Variants in SENP5 observed in about 807,000 individuals in gnomAD.
The protein encoded by SENP5 is sentrin-specific protease 5.
In SENP5, 21 loss-of-function variants were observed where a neutral mutation model predicts 74.2. The ratio of observed to expected loss-of-function variants is 0.28; its 90% CI spans 0.20 to 0.41. The LOEUF (loss-of-function observed/expected upper bound fraction) is 0.41, where lower values mean the gene tolerates loss of function less well. Among genes scored for constraint, SENP5 ranks in the 10% least tolerant of loss-of-function variants. The pLI, the probability that SENP5 is intolerant of heterozygous loss-of-function variation, is 1.00. For missense variants in SENP5, 717 were observed against 889.1 expected (o/e 0.81, Z 2.46); for synonymous variants, 311 against 312.7 (o/e 0.99, Z 0.06).
rs751455923 is a variant in SENP5, at chr3:196,885,978, G to T, written c.797G>T (p.Ser266Ile). The T allele has an allele frequency of 1.9e-6, 3 of 1,614,232 alleles. No individual in the cohort carries two copies. Among genetic ancestry groups the T allele is most frequent in the Non-Finnish European group, 2.5e-6 (3 of 1,180,042 alleles). ...TGCAAGCTAAGAAAAGCCCAGCGAA[G>T]CTGGGTACAGAAAGTCACTGGGGAC... Reference protein sequence around the residue: ...KVCKLRKAQRSWVQKVTGDHQ... With the variant: ...KVCKLRKAQRIWVQKVTGDHQ... The change falls in exon 2 of 10, where the codon AGC becomes ATC. Residue 266 changes from serine to isoleucine, a missense_variant. Physicochemically the swap from Ser to Ile is moderately radical, Grantham distance 142 (BLOSUM62 -2). This residue lies in a region of SENP5 where 567 missense variants were observed against 577.4 expected (regional missense o/e 0.98). Transcript: ENST00000323460.
chr3:196,913,608 C>G (rs550514006), intron 6 of SENP5, among the ~76,000 whole-genome samples: 1 of 144,546 alleles, frequency 6.9e-6, no homozygotes, highest in South Asian at 2.2e-4. Flanking sequence ...ACCCTGAACT[C>G]AGTAGAAGAC....
intron 2 of SENP5, among the ~76,000 whole-genome samples, chr3:196,894,882 G>C (rs1009955788): frequency 2.0e-5 from 3 of 152,126 alleles, no homozygotes; most frequent in Non-Finnish European, 4.4e-5. Context: ...TATATTTATA[G>C]ATTAATTTAG....
At chr3:196,883,898 G>C (rs1242487917) in intron 1 of SENP5, among the ~76,000 whole-genome samples, 3 of 152,080 alleles carry the variant, frequency 2.0e-5, no homozygotes, top group Non-Finnish European at 4.4e-5. Flanking sequence ...CACCATGTTG[G>C]CCAGTCTGGT....
intron 2 of SENP5, among the ~76,000 whole-genome samples, chr3:196,887,409 A>G (rs1714020271): frequency 6.6e-6 from 1 of 151,566 alleles, no homozygotes; most frequent in South Asian, 2.1e-4. Flanking sequence ...CGACCTCCTG[A>G]CCTCACGTGA....
chr3:196,889,718 CA>C (rs1714124590), intron 2 of SENP5, among the ~76,000 whole-genome samples: 1 of 152,168 alleles, frequency 6.6e-6, no homozygotes, highest in East Asian at 1.9e-4. Context: ...TTCATACTCA[CA>C]AATGAGGAGA....
chr3:196,888,184 T>G (rs1311360334), intron 2 of SENP5, among the ~76,000 whole-genome samples: 1 of 152,228 alleles, frequency 6.6e-6, no homozygotes, highest in Admixed American at 6.5e-5. Context: ...AACATTTCTT[T>G]GGAAGACAAT....
chr3:196,874,205 A>T lies in SENP5; in HGVS notation c.-32+6132A>T, dbSNP rs1375662361. 4.7e-5 allele frequency among the ~76,000 whole-genome samples: 7 copies of T among 149,544 alleles called. 1 individual carries two copies. Among genetic ancestry groups the T allele is most frequent in the Non-Finnish European group, 1.0e-4 (7 of 67,708 alleles). The stretch of plus-strand genomic sequence containing the variant: ...TATTCTTAATGAAGTTTTAAGAGGG[A>T]ATGATGGTAAAATGTGTCTGCTTAA... On this transcript the variant is annotated intron_variant, in intron 1 of 9. Transcript: ENST00000323460.
At chr3:196,908,398 A>G (rs150887974) in intron 6 of SENP5, among the ~76,000 whole-genome samples, 251 of 152,368 alleles carry the variant, frequency 1.6e-3, no homozygotes, top group Non-Finnish European at 3.2e-3. Context: ...ACCAATGAGA[A>G]CAGAGAGACA....
At position 196,867,957 on chromosome 3, in the gene SENP5, C is replaced by T. The variant is rs1159646290; in HGVS notation, c.-148C>T. ...GCGGCTGTGGCCGCGGCGAACAGGC[C>T]GGACGCCTCGTCGCTGGCGGGGCTT... On this transcript the variant is annotated 5_prime_UTR_variant, in exon 1 of 10. Coordinates refer to ENST00000323460, the MANE Select transcript of SENP5 (RefSeq NM_152699.5). 4 of 152,262 alleles carry T rather than the reference C, an allele frequency of 2.6e-5. No homozygotes were observed. The highest frequency in any genetic ancestry group is 2.1e-4 in the South Asian group (1 of 4,838). The allele number at this position is 152,262 out of a possible 1,614,324, so 9.4% of individuals were successfully genotyped here. A position where few individuals can be genotyped will look rare whatever the true frequency, so the allele number is the denominator to read the frequency against.
chr3:196,884,061 C>T (rs893563407), intron 1 of SENP5, among the ~76,000 whole-genome samples: 1 of 152,184 alleles, frequency 6.6e-6, no homozygotes, highest in African/African-American at 2.4e-5. Context: ...AGACTGATTC[C>T]ATATTGACTT....
chr3:196,914,582 A>ATAT (rs1217677663), intron 6 of SENP5: 120 of 65,838 alleles, frequency 1.8e-3, no homozygotes, highest in African/African-American at 7.1e-3. Context: ...AAAAAAAAAA[A>ATAT]AAAAATATAT....
intron 6 of SENP5, among the ~76,000 whole-genome samples, chr3:196,917,549 A>G (rs979201557): frequency 1.3e-5 from 2 of 152,220 alleles, no homozygotes; most frequent in African/African-American, 4.8e-5. Context: ...GGATAAAGAA[A>G]GAATCCTAAA....
At chr3:196,922,477 TCTCA>T (rs67242162) in intron 6 of SENP5, among the ~76,000 whole-genome samples, 28,568 of 151,918 alleles carry the variant, frequency 0.19, 3,409 homozygotes, top group Non-Finnish European at 0.24. Flanking sequence ...AGTTTCAGGG[TCTCA>T]CTCCGTCGCC....
At chr3:196,928,401 G>A (rs998634012) in intron 8 of SENP5, among the ~76,000 whole-genome samples, 14 of 152,134 alleles carry the variant, frequency 9.2e-5, no homozygotes, top group Non-Finnish European at 1.3e-4. Flanking sequence ...CATTCCTGTC[G>A]TAAATACCAG....
At position 196,931,028 on chromosome 3, in the gene SENP5, G is replaced by T; in HGVS notation, c.*105G>T. ...TTTTTACAGATATTTCAGATCAGTG[G>T]TGTTGGGCCACTATTGTTACCTCAA... is the stretch of plus-strand genomic sequence containing the variant. On this transcript the variant is annotated 3_prime_UTR_variant, in exon 10 of 10. Transcript: ENST00000323460. The T allele has an allele frequency of 1.4e-6, 1 of 731,084 alleles. No individual in the cohort carries two copies. Among genetic ancestry groups the T allele is most frequent in the South Asian group, 1.6e-5 (1 of 62,396 alleles). The allele number at this position is 731,084 out of a possible 1,614,324, so 45.3% of individuals were successfully genotyped here. A position where few individuals can be genotyped will look rare whatever the true frequency, so the allele number is the denominator to read the frequency against.
chr3:196,874,587 A>C (rs920897885), intron 1 of SENP5, among the ~76,000 whole-genome samples: 1 of 150,758 alleles, frequency 6.6e-6, no homozygotes, highest in Non-Finnish European at 1.5e-5. Context: ...GTCTTTCTTT[A>C]TTTCTTAAAT....
rs751749357 is a variant in SENP5, at chr3:196,885,387, C to T, written c.206C>T (p.Thr69Met). 9.9e-6 allele frequency: 16 copies of T among 1,613,994 alleles called. No individual in the cohort carries two copies. Among genetic ancestry groups the T allele is most frequent in the Middle Eastern group, 3.3e-4 (2 of 6,082 alleles). ...GRKKALQIQK[T>M]WIKDEPLCAK... Reference sequence around the variant, plus strand: ...AAGAAAGCTCTTCAAATCCAGAAAACGTGGATCAAGGATGAACCCCTTTGT... The same window carrying T: ...AAGAAAGCTCTTCAAATCCAGAAAATGTGGATCAAGGATGAACCCCTTTGT... The change falls in exon 2 of 10, where the codon ACG becomes ATG. Residue 69 changes from threonine to methionine, a missense_variant. Transcript: ENST00000323460.
chr3:196,886,760 A>G, intron 2 of SENP5, 66 bp downstream of exon 2: 1 of 1,318,828 alleles, frequency 7.6e-7, no homozygotes. Context: ...TATCCTTGCT[A>G]ATAAGAGTCC....
intron 7 of SENP5, among the ~76,000 whole-genome samples, chr3:196,924,302 G>T (rs1715732052): frequency 6.6e-6 from 1 of 152,092 alleles, no homozygotes; most frequent in Non-Finnish European, 1.5e-5. Context: ...AAAGTTAAAG[G>T]ACAAGCAACA....
Sources: allele counts gnomAD v4.1 joint callset (sites outside exome capture counted in the v4.1 genomes callset), GRCh38; gene constraint gnomAD v4.1.1; regional missense constraint gnomAD v4.1.1; transcripts MANE v1.5; gene names NCBI Gene and HGNC (gene_info 2026-07-23, HGNC 2026-07-21).